ADAMTSL1: variants seen among roughly 807,000 people sequenced by gnomAD.
The protein encoded by ADAMTSL1 is ADAMTS like 1, also known as ADAMTS-like protein 1.
In ADAMTSL1, 126 loss-of-function variants were observed where a neutral mutation model predicts 201.8. The observed-to-expected ratio is 0.62, with a 90% CI of 0.54 to 0.72. The LOEUF (loss-of-function observed/expected upper bound fraction) is 0.72. ADAMTSL1 is among the 30% of genes least tolerant of loss of function. The probability of loss-of-function intolerance (pLI) is 0.00; values close to 1 mark genes in which losing one functional copy is unlikely to be tolerated. For missense variants in ADAMTSL1, 2,679 were observed against 2,277.8 expected (o/e 1.18, Z -3.59); for synonymous variants, 1,121 against 903.4 (o/e 1.24, Z -4.32).
chr9:18,208,327 A>G (rs1436981271), intron 2 of ADAMTSL1, among the ~76,000 whole-genome samples: 1 of 152,148 alleles, frequency 6.6e-6, no homozygotes, highest in African/African-American at 2.4e-5. Flanking sequence ...TCAACAAAAT[A>G]AACACAAGGG....
At chr9:18,528,025 C>A (rs1237277516) in intron 2 of ADAMTSL1, among the ~76,000 whole-genome samples, 1 of 151,924 alleles carries the variant, frequency 6.6e-6, no homozygotes, top group African/African-American at 2.4e-5. Context: ...TTACAGGTGC[C>A]TGCCACCATG....
chr9:18,417,202 T>C (rs1398653744), intron 2 of ADAMTSL1, among the ~76,000 whole-genome samples: 1 of 151,860 alleles, frequency 6.6e-6, no homozygotes, highest in Non-Finnish European at 1.5e-5. Flanking sequence ...AGGAAAATTA[T>C]AACGTATTTT....
intron 2 of ADAMTSL1, among the ~76,000 whole-genome samples, chr9:18,319,320 ATTATAT>A (rs1834530631): frequency 6.6e-6 from 1 of 152,200 alleles, no homozygotes; most frequent in Non-Finnish European, 1.5e-5. Flanking sequence ...GTCTCTTTCA[ATTATAT>A]TTATATTTTC....
chr9:18,824,341 A>T (rs1190164026), intron 21 of ADAMTSL1, among the ~76,000 whole-genome samples: 1 of 152,172 alleles, frequency 6.6e-6, no homozygotes, highest in Non-Finnish European at 1.5e-5. Flanking sequence ...TTTAGAGATG[A>T]TGCCAACCTG....
intron 1 of ADAMTSL1, among the ~76,000 whole-genome samples, chr9:18,123,309 G>T (rs1047944020): frequency 6.6e-6 from 1 of 152,092 alleles, no homozygotes; most frequent in African/African-American, 2.4e-5. Flanking sequence ...AATATGACTT[G>T]ATTCAATACA....
chr9:18,269,648 T>G (rs1832277639), intron 2 of ADAMTSL1, among the ~76,000 whole-genome samples: 1 of 152,190 alleles, frequency 6.6e-6, no homozygotes, highest in African/African-American at 2.4e-5. Flanking sequence ...CCTTTCATTT[T>G]ATAACTGATC....
intron 1 of ADAMTSL1, among the ~76,000 whole-genome samples, chr9:17,963,122 T>C (rs1817825941): frequency 6.6e-6 from 1 of 152,228 alleles, no homozygotes. Context: ...TTTTAGTTTG[T>C]GTGAAGTGGC....
chr9:18,085,486 T>TATATGTATATATACTGTGTGTGC (rs1823711160), intron 1 of ADAMTSL1, among the ~76,000 whole-genome samples: 1 of 144,850 alleles, frequency 6.9e-6, no homozygotes, highest in African/African-American at 2.6e-5. Context: ...TGTGTGCATA[T>TATATGTATATATACTGTGTGTGC]ATATATATAT....
intron 2 of ADAMTSL1, among the ~76,000 whole-genome samples, chr9:18,438,030 T>G (rs1010751238): frequency 1.3e-5 from 2 of 152,106 alleles, no homozygotes; most frequent in Non-Finnish European, 2.9e-5. Context: ...AGGTCACTCT[T>G]GAGTCAGTGA....
intron 15 of ADAMTSL1, among the ~76,000 whole-genome samples, chr9:18,750,923 G>T (rs1354684848): frequency 6.6e-6 from 1 of 152,186 alleles, no homozygotes; most frequent in African/African-American, 2.4e-5. Context: ...GACTCTCTGG[G>T]TATTCTCATG....
intron 1 of ADAMTSL1, among the ~76,000 whole-genome samples, chr9:18,012,511 T>C (rs1342922736): frequency 6.6e-6 from 1 of 152,078 alleles, no homozygotes; most frequent in Non-Finnish European, 1.5e-5. Context: ...TTTCCGGGGC[T>C]GGGCTTGTGC....
chr9:18,189,911 CAAATAAGCATATTAG>C (rs1158612587), intron 2 of ADAMTSL1, among the ~76,000 whole-genome samples: 1 of 152,282 alleles, frequency 6.6e-6, no homozygotes, highest in African/African-American at 2.4e-5. Flanking sequence ...ACAAGTAAGT[CAAATAAGCATATTAG>C]TCTGTGTGCT....
intron 1 of ADAMTSL1, among the ~76,000 whole-genome samples, chr9:17,960,649 C>T (rs1817711432): frequency 6.6e-6 from 1 of 152,170 alleles, no homozygotes; most frequent in African/African-American, 2.4e-5. Flanking sequence ...TTGTCTTTTT[C>T]CTTAATGTCT....
chr9:18,772,805 G>A (rs1208052231), intron 17 of ADAMTSL1, among the ~76,000 whole-genome samples: 1 of 152,144 alleles, frequency 6.6e-6, no homozygotes, highest in Admixed American at 6.5e-5. Context: ...CCACAGCTTA[G>A]GTCTCCTACA....
At chr9:18,271,850 T>A (rs1248313393) in intron 2 of ADAMTSL1, among the ~76,000 whole-genome samples, 1 of 152,272 alleles carries the variant, frequency 6.6e-6, no homozygotes, top group East Asian at 1.9e-4. Context: ...GTTTCCTGAC[T>A]CTTTAATGAT....
chr9:18,707,806 T>C (rs1036590524), intron 14 of ADAMTSL1, among the ~76,000 whole-genome samples: 1 of 152,212 alleles, frequency 6.6e-6, no homozygotes, highest in African/African-American at 2.4e-5. Context: ...TGGTTCTCCT[T>C]GGTGTATTCC....
intron 1 of ADAMTSL1, among the ~76,000 whole-genome samples, chr9:18,062,424 T>C (rs1383897677): frequency 6.7e-6 from 1 of 149,830 alleles, no homozygotes; most frequent in East Asian, 1.9e-4. Flanking sequence ...ATAATAAATA[T>C]AATATTTTAA....
intron 1 of ADAMTSL1, among the ~76,000 whole-genome samples, chr9:18,498,143 GA>G (rs997384836): frequency 6.6e-6 from 1 of 151,932 alleles, no homozygotes; most frequent in Non-Finnish European, 1.5e-5. Flanking sequence ...GAAAAAAAAA[GA>G]TACAGACATA....
chr9:18,838,393 ACACACACAC>A (rs1563844510), intron 23 of ADAMTSL1, among the ~76,000 whole-genome samples: 21 of 150,672 alleles, frequency 1.4e-4, no homozygotes, highest in African/African-American at 5.2e-4. Flanking sequence ...ACACACACAC[ACACACACAC>A]GCAAAAACCT....
Sources: allele counts gnomAD v4.1 joint callset (sites outside exome capture counted in the v4.1 genomes callset), GRCh38; gene constraint gnomAD v4.1.1; transcripts MANE v1.5; gene names NCBI Gene and HGNC (gene_info 2026-07-23, HGNC 2026-07-21).